The following DDX60 variants were observed in gnomAD, a reference collection of about 807,000 sequenced individuals.
DDX60 encodes DExD/H-box helicase 60, also known as probable ATP-dependent RNA helicase DDX60.
A neutral mutation model predicts 212.8 loss-of-function variants in DDX60; 165 were observed. That is an observed-to-expected ratio of 0.78 (90% CI 0.68 to 0.88). The LOEUF (loss-of-function observed/expected upper bound fraction) is 0.88, where lower values mean the gene tolerates loss of function less well. Among genes scored for constraint, DDX60 ranks in the 40% least tolerant of loss-of-function variants. The probability of loss-of-function intolerance (pLI) is 0.00; values close to 1 mark genes in which losing one functional copy is unlikely to be tolerated. For missense variants in DDX60, 1,905 were observed against 2,003.9 expected (o/e 0.95, Z 0.94); for synonymous variants, 703 against 685.3 (o/e 1.03, Z -0.40).
At chr4:168,322,343 C>G (rs971098634), upstream of DDX60, among the ~76,000 whole-genome samples, 1 of 152,202 alleles carries the variant, frequency 6.6e-6, no homozygotes, top group Admixed American at 6.5e-5. Flanking sequence ...GTTGCATCCT[C>G]ACTTCCCTCA....
intron 27 of DDX60, 116 bp downstream of exon 27, chr4:168,252,393 A>T (rs1734252367): frequency 2.4e-6 from 3 of 1,243,652 alleles, no homozygotes; most frequent in African/African-American, 1.5e-5. Flanking sequence ...TTTGGTAGGG[A>T]TTGTATTAAT....
At chr4:168,265,844 AGGGAAGGGAAGGGAAG>A (rs1263314975) in intron 22 of DDX60, among the ~76,000 whole-genome samples, 1 of 14,686 alleles carries the variant, frequency 6.8e-5, no homozygotes, top group African/African-American at 4.8e-4. Flanking sequence ...AAGGAAGGGA[AGGGAAGGGAAGGGAAG>A]GGAAGGGAAG....
intron 28 of DDX60, among the ~76,000 whole-genome samples, chr4:168,248,782 G>A (rs1303937149): frequency 2.0e-5 from 3 of 148,274 alleles, no homozygotes; most frequent in African/African-American, 5.0e-5. Flanking sequence ...TTTTTGAGAC[G>A]GAGTTTCGCT....
At chr4:168,221,988 CCA>C (rs1256809418) in intron 35 of DDX60, 107 bp from the exon 36 acceptor site, 1 of 1,172,818 alleles carries the variant, frequency 8.5e-7, no homozygotes, top group Non-Finnish European at 1.2e-6. Context: ...TTTTTAAAGC[CCA>C]CTCTTCACTG....
intron 33 of DDX60, among the ~76,000 whole-genome samples, chr4:168,226,462 T>A (rs1001642232): frequency 3.9e-5 from 6 of 151,996 alleles, no homozygotes; most frequent in South Asian, 2.1e-4. Context: ...AAGACAACCA[T>A]CTATGAACCA....
chr4:168,263,068 G>T (rs1007775641), intron 22 of DDX60, among the ~76,000 whole-genome samples: 1 of 152,172 alleles, frequency 6.6e-6, no homozygotes, highest in Non-Finnish European at 1.5e-5. Flanking sequence ...AAATCAGAGC[G>T]ATGGGAAGCT....
intron 4 of DDX60, 142 bp downstream of exon 4, chr4:168,307,864 A>AT (rs1243663890): frequency 1.8e-5 from 7 of 397,554 alleles, no homozygotes; most frequent in Non-Finnish European, 2.1e-5. Flanking sequence ...ATTGTGGGTA[A>AT]TTTTTTCTCT....
intron 6 of DDX60, among the ~76,000 whole-genome samples, chr4:168,295,801 T>A (rs1027090784): frequency 6.6e-6 from 1 of 152,276 alleles, no homozygotes; most frequent in African/African-American, 2.4e-5. Flanking sequence ...GAGGTATATA[T>A]ACACAATGGA....
chr4:168,300,580 A>ATATGTGTGTGTG (rs1736605402), intron 6 of DDX60, among the ~76,000 whole-genome samples: 1 of 146,310 alleles, frequency 6.8e-6, no homozygotes, highest in African/African-American at 2.5e-5. Context: ...TAACACCAGA[A>ATATGTGTGTGTG]TGTGTGTGTG....
intron 1 of DDX60, among the ~76,000 whole-genome samples, chr4:168,313,555 G>A (rs1239488604): frequency 6.6e-6 from 1 of 152,068 alleles, no homozygotes; most frequent in Non-Finnish European, 1.5e-5. Flanking sequence ...TCTCCAAATT[G>A]TACCAAGCTC....
intron 6 of DDX60, among the ~76,000 whole-genome samples, chr4:168,297,335 AAAG>A (rs1736416925): frequency 1.1e-5 from 1 of 87,498 alleles, no homozygotes; most frequent in Non-Finnish European, 2.0e-5. Context: ...AGAAAGAAAG[AAAG>A]AAAGAAAGAA....
chr4:168,226,750 G>C (rs1169101647), intron 33 of DDX60, among the ~76,000 whole-genome samples: 1 of 152,006 alleles, frequency 6.6e-6, no homozygotes, highest in Non-Finnish European at 1.5e-5. Flanking sequence ...AAGAATTGGA[G>C]GTCATTATGT....
At chr4:168,220,487 A>C in intron 37 of DDX60, 168 bp downstream of exon 37, 1 of 495,518 alleles carries the variant, frequency 2.0e-6, no homozygotes, top group Non-Finnish European at 3.6e-6. Flanking sequence ...ATAATACAAC[A>C]CGTGTTGAAC....
In DDX60 at chr4:168,285,067, T is replaced by C. The variant is rs796234028; in HGVS notation, c.1446-132A>G. On this transcript the variant is annotated intron_variant, in intron 11 of 37. Transcript: ENST00000393743. ...CTGCAATATGATGTGGGTGGTAGAC[T>C]CCAAACAGCAGTTTATTAGAGGTTT... 5.3e-6 allele frequency: 3 copies of C among 564,844 alleles called. No homozygotes were observed. In the African/African-American group the frequency reaches 5.7e-5, roughly 11 times the overall value. 35.0% of individuals were successfully genotyped at this position (564,844 alleles called of 1,614,324 possible).
At chr4:168,287,849 TAATTA>T (rs1219031740) in intron 9 of DDX60, among the ~76,000 whole-genome samples, 1 of 152,114 alleles carries the variant, frequency 6.6e-6, no homozygotes, top group Non-Finnish European at 1.5e-5. Context: ...AGTAGTGAAA[TAATTA>T]AATTAATTAA....
chr4:168,223,219 G>T (rs767142392), intron 35 of DDX60, among the ~76,000 whole-genome samples: 8 of 151,958 alleles, frequency 5.3e-5, no homozygotes, highest in Non-Finnish European at 7.4e-5. Context: ...CATTTAGTTC[G>T]ATGCTTTAGA....
intron 1 of DDX60, 25 bp from the exon 2 acceptor site, chr4:168,311,390 G>A: frequency 1.1e-6 from 1 of 907,410 alleles, no homozygotes; most frequent in Non-Finnish European, 1.7e-6. Context: ...AAGAAAATGA[G>A]TCTTTATTCA....
intron 24 of DDX60, among the ~76,000 whole-genome samples, chr4:168,261,529 C>G (rs1426155091): frequency 6.6e-6 from 1 of 152,168 alleles, no homozygotes; most frequent in Non-Finnish European, 1.5e-5. Flanking sequence ...AGACCATCAA[C>G]TTATTAAAAC....
At chr4:168,264,403 T>C (rs1734753671) in intron 22 of DDX60, among the ~76,000 whole-genome samples, 1 of 152,202 alleles carries the variant, frequency 6.6e-6, no homozygotes, top group Non-Finnish European at 1.5e-5. Flanking sequence ...ACAAAACACC[T>C]ATTATTTTGT....
Sources: allele counts gnomAD v4.1 joint callset (sites outside exome capture counted in the v4.1 genomes callset), GRCh38; gene constraint gnomAD v4.1.1; transcripts MANE v1.5; gene names NCBI Gene and HGNC (gene_info 2026-07-23, HGNC 2026-07-21).